HDGFL2: variants seen among roughly 807,000 people sequenced by gnomAD.
HDGFL2 encodes the protein HDGF like 2.
In HDGFL2, 36 loss-of-function variants were observed where a neutral mutation model predicts 77.1. That is an observed-to-expected ratio of 0.47 (90% confidence interval 0.36 to 0.62). The LOEUF (loss-of-function observed/expected upper bound fraction) is 0.62. Among genes scored for constraint, HDGFL2 ranks in the 20% least tolerant of loss-of-function variants. The probability of loss-of-function intolerance (pLI) is 0.00; values close to 1 mark genes in which losing one functional copy is unlikely to be tolerated. For synonymous variants in HDGFL2, 463 were observed against 413.1 expected (o/e 1.12, Z -1.46); for missense variants, 976 against 973.4 (o/e 1.00, Z -0.04).
intron 3 of HDGFL2, among the ~76,000 whole-genome samples, chr19:4,477,842 G>A (rs573945036): frequency 3.3e-5 from 5 of 152,210 alleles, no homozygotes; most frequent in African/African-American, 1.2e-4. Flanking sequence ...AGCACTTTGG[G>A]AGGCTGTGGC....
Position 4,491,573 on chromosome 19 carries a change from T to C in HDGFL2, c.497T>C (p.Val166Ala). ...AGGCCGTTCCCCTTCCAGATGTCGG[T>C]CTCGAAACGAGCCCGAAAGGCCTCC... is the stretch of plus-strand genomic sequence containing the variant. ...KRKTPALKMSVSKRARKASSD... is the reference protein window; with the variant it reads ...KRKTPALKMSASKRARKASSD... Residue 166 changes from valine (V) to alanine (A), a missense_variant, in exon 5 of 16, where the codon GTC becomes GCC. Coordinates refer to ENST00000616600, the MANE Select transcript of HDGFL2 (RefSeq NM_001001520.3). 6.8e-6 allele frequency: 11 copies of C among 1,613,362 alleles called. No individual in the cohort carries two copies. The highest frequency in any genetic ancestry group is 9.3e-6 in the Non-Finnish European group (11 of 1,179,816).
Position 4,481,017 on chromosome 19 carries a change from C to A in HDGFL2, c.288+5434C>A, listed in dbSNP as rs187167376. Among the ~76,000 whole-genome samples the A allele has an allele frequency of 1.7e-4, 19 of 109,796 alleles. No individual in the cohort carries two copies. In the Admixed American group the frequency reaches 1.8e-3, roughly 11 times the overall value. The allele number at this position is 109,796 out of a possible 152,430, so 72.0% of individuals were successfully genotyped here. On this transcript the variant is annotated intron_variant, in intron 3 of 15. Coordinates refer to ENST00000616600, the MANE Select transcript of HDGFL2 (RefSeq NM_001001520.3). ...GATTACGGGCATCCACCACCAAACC[C>A]GGCTAATTTTTTTTTTTTTTTGAGA...
chr19:4,488,251 G>C (rs1975411976), intron 3 of HDGFL2, among the ~76,000 whole-genome samples: 1 of 152,234 alleles, frequency 6.6e-6, no homozygotes, highest in Non-Finnish European at 1.5e-5. Flanking sequence ...GATTATAGGC[G>C]TGAGCCTCCG....
Position 4,498,019 on chromosome 19 carries a change from GAGA to G in HDGFL2, c.1398_1400del (p.Lys467del), listed in dbSNP as rs1302191562. On this transcript the variant is annotated inframe_deletion, in exon 11 of 16. Coordinates refer to ENST00000616600, the MANE Select transcript of HDGFL2 (RefSeq NM_001001520.3). ...GGGCTTCTCGATGGACAGGAAGGTA[GAGA>G]AGAAGAAAGGTGAGGCCTGGCTGCC... The G allele has an allele frequency of 8.4e-6, 13 of 1,555,822 alleles. 1 individual carries two copies. The East Asian group carries it at 1.4e-4, about 17-fold the overall frequency.
chr19:4,475,176 C>A, intron 1 of HDGFL2, 99 bp from the exon 2 acceptor site: 1 of 988,556 alleles, frequency 1.0e-6, no homozygotes, highest in Non-Finnish European at 1.6e-6. Context: ...GAAGGCTCCC[C>A]TCCTCCCAGC....
chr19:4,482,460 G>A (rs545519183), intron 3 of HDGFL2, among the ~76,000 whole-genome samples: 2 of 152,104 alleles, frequency 1.3e-5, no homozygotes, highest in East Asian at 1.9e-4. Context: ...CACCCCTATC[G>A]GCCTCCCCAA....
chr19:4,478,930 G>C (rs1975142190), intron 3 of HDGFL2, among the ~76,000 whole-genome samples: 1 of 150,998 alleles, frequency 6.6e-6, no homozygotes, highest in Admixed American at 6.6e-5. Flanking sequence ...TGATCTGCCC[G>C]CCTCAGCCTC....
chr19:4,474,578 C>A (rs1975023354), intron 1 of HDGFL2, among the ~76,000 whole-genome samples: 2 of 152,060 alleles, frequency 1.3e-5, no homozygotes, highest in South Asian at 4.1e-4. Flanking sequence ...GCCACTCCAG[C>A]CTGCTGTGCT....
At position 4,494,238 on chromosome 19, in the gene HDGFL2, C is replaced by T; in HGVS notation, c.987C>T (p.Ala329=). ...RDEARRRELE[A]RRRREQEEEL... ...AGGCGCGGAGGCGCGAGCTGGAGGC[C>T]CGGCGGCGGCGAGAGCAGGAGGAGG... The change falls in exon 9 of 16, where the codon GCC becomes GCT. Residue 329 remains alanine, a synonymous_variant. Transcript: ENST00000616600. 8 of 1,461,482 alleles carry T rather than the reference C, an allele frequency of 5.5e-6. No individual in the cohort carries two copies. The highest frequency in any genetic ancestry group is 5.4e-6 in the Non-Finnish European group (6 of 1,110,262). 90.5% of individuals were successfully genotyped at this position (1,461,482 alleles called of 1,614,324 possible). A position where few individuals can be genotyped will look rare whatever the true frequency, so the allele number is the denominator to read the frequency against.
intron 3 of HDGFL2, among the ~76,000 whole-genome samples, chr19:4,481,655 C>G (rs190574336): frequency 2.0e-5 from 3 of 151,842 alleles, no homozygotes; most frequent in East Asian, 3.9e-4. Flanking sequence ...AGAGATTTCA[C>G]TATGTTGGCC....
chr19:4,475,220 G>T, intron 1 of HDGFL2, 55 bp from the exon 2 acceptor site: 1 of 1,509,236 alleles, frequency 6.6e-7, no homozygotes, highest in South Asian at 1.1e-5. Flanking sequence ...CTGATTTCTC[G>T]GTGATTTCCT....
In HDGFL2 at chr19:4,472,360, G is replaced by T. The variant is rs1459381755; in HGVS notation, c.10G>T (p.Ala4Ser). The change falls in exon 1 of 16, where the codon GCC (alanine) becomes TCC (serine). Residue 4 changes from alanine (A) to serine (S), a missense_variant. By Grantham distance (99) the Ala-to-Ser change is moderately conservative. Transcript: ENST00000616600. ...GCCTCTCGCCGTCAGCATGCCACAC[G>T]CCTTCAAGCCCGGGGACTTGGTGTT... MPH[A>S]FKPGDLVFAK... 3.3e-6 allele frequency: 5 copies of T among 1,493,900 alleles called. No homozygotes were observed. The African/African-American group carries it at 7.4e-5, about 22-fold the overall frequency. 92.5% of individuals were successfully genotyped at this position (1,493,900 alleles called of 1,614,324 possible).
chr19:4,498,138 C>A, intron 11 of HDGFL2, 107 bp downstream of exon 11: 2 of 1,243,150 alleles, frequency 1.6e-6, no homozygotes, highest in Non-Finnish European at 1.1e-6. Flanking sequence ...GGGTGCTCAG[C>A]ACATCCTCGG....
chr19:4,485,659 G>A (rs1045552013), intron 3 of HDGFL2, among the ~76,000 whole-genome samples: 3 of 151,604 alleles, frequency 2.0e-5, no homozygotes, highest in African/African-American at 4.8e-5. Flanking sequence ...GGAGAATGGC[G>A]TGAACCCAGC....
chr19:4,475,105 A>C, intron 1 of HDGFL2, 170 bp from the exon 2 acceptor site: 1 of 623,014 alleles, frequency 1.6e-6, no homozygotes, highest in East Asian at 2.8e-5. Context: ...ACAGCTTTGC[A>C]GTGAAGGGTA....
chr19:4,491,277 A>T (rs148550976), intron 4 of HDGFL2, among the ~76,000 whole-genome samples: 5 of 14,044 alleles, frequency 3.6e-4, no homozygotes, highest in South Asian at 4.0e-3. Flanking sequence ...CCACCCCCCC[A>T]CCCCCCCCGG....
chr19:4,492,420 T>C (rs922529793), intron 6 of HDGFL2, among the ~76,000 whole-genome samples: 1 of 151,830 alleles, frequency 6.6e-6, no homozygotes, highest in Admixed American at 6.6e-5. Flanking sequence ...TCTGCGTCTA[T>C]GTGTTGTGCC....
chr19:4,497,804 G>T (rs1462439924), intron 10 of HDGFL2, 154 bp from the exon 11 acceptor site: 2 of 653,768 alleles, frequency 3.1e-6, no homozygotes, highest in East Asian at 5.4e-5. Context: ...CTAGGCTGTG[G>T]CAGGGCCTCC....
chr19:4,480,309 T>A (rs746411699), intron 3 of HDGFL2, among the ~76,000 whole-genome samples: 7 of 152,066 alleles, frequency 4.6e-5, no homozygotes, highest in Non-Finnish European at 1.0e-4. Context: ...GTCCCCCAAC[T>A]CCCAGATCCC....
Sources: allele counts gnomAD v4.1 joint callset (sites outside exome capture counted in the v4.1 genomes callset), GRCh38; gene constraint gnomAD v4.1.1; transcripts MANE v1.5; gene names NCBI Gene and HGNC (gene_info 2026-07-23, HGNC 2026-07-21).